TDP2: variants seen among roughly 807,000 people sequenced by gnomAD.
TDP2 encodes the protein 5'-Tyr-DNA phosphodiesterase.
TDP2 carries 38 observed loss-of-function variants against 42.8 expected under a neutral mutation model. The ratio of observed to expected loss-of-function variants is 0.89; its 90% CI spans 0.68 to 1.16. TDP2 has a LOEUF of 1.16. TDP2 is among the 50% of genes most tolerant of loss of function. TDP2 has a pLI of 0.00. For missense variants in TDP2, 439 were observed against 439.3 expected, an observed-to-expected ratio of 1.00 and a Z score of 0.01; for synonymous variants, 173 against 150.6, an observed-to-expected ratio of 1.15 and a Z score of -1.09.
chr6:24,651,066 T>C lies in TDP2; in HGVS notation c.811A>G (p.Thr271Ala). Residue 271 changes from threonine (T) to alanine (A), a missense_variant, in exon 7 of 7, where the codon ACC becomes GCC. Physicochemically the swap from Thr to Ala is moderately conservative, Grantham distance 58. Transcript: ENST00000378198. ...GDTNLRDREV[T>A]RCGGLPNNIV... Reference sequence around the variant, plus strand: ...TTGTTGGGTAAACCACCACATCTGGTAACCTGAAAAGAAGAAGAATACTCT... The same window carrying C: ...TTGTTGGGTAAACCACCACATCTGGCAACCTGAAAAGAAGAAGAATACTCT... 5.0e-6 allele frequency: 8 copies of C among 1,607,630 alleles called. No individual in the cohort carries two copies. Among genetic ancestry groups the C allele is most frequent in the South Asian group, 1.1e-5 (1 of 90,892 alleles).
chr6:24,666,257 T>C (rs1308920113), intron 2 of TDP2: 2 of 1,541,910 alleles, frequency 1.3e-6, no homozygotes, highest in Non-Finnish European at 1.7e-6. Context: ...CTTATTTCCT[T>C]TCATTTGAGT....
chr6:24,652,472 T>C lies in TDP2; in HGVS notation c.807+511A>G, dbSNP rs1777988999. Among the ~76,000 whole-genome samples, 6 of 152,212 alleles carry C rather than the reference T, an allele frequency of 3.9e-5. No individual in the cohort carries two copies. In the Middle Eastern group the frequency reaches 0.01, roughly 259 times the overall value. ...ATCCCACTGTGTCTCAACTGAGCTATAGGCAGGGAGAAAGAGACTTTGTTT... is the reference window on the plus strand; with the variant it reads ...ATCCCACTGTGTCTCAACTGAGCTACAGGCAGGGAGAAAGAGACTTTGTTT... On this transcript the variant is annotated intron_variant, in intron 6 of 6. Transcript: ENST00000378198.
chr6:24,657,736 T>C (rs3212231), intron 4 of TDP2, 76 bp downstream of exon 4: 2 of 796,330 alleles, frequency 2.5e-6, no homozygotes, highest in Non-Finnish European at 3.9e-6. Flanking sequence ...TATGTCCCAA[T>C]AGACCAACTT....
At chr6:24,666,202 A>T in intron 2 of TDP2, 6 of 1,550,540 alleles carry the variant, frequency 3.9e-6, no homozygotes, top group Non-Finnish European at 5.2e-6. Context: ...CCATTTTTCG[A>T]TAGAAGGTTT....
intron 6 of TDP2, among the ~76,000 whole-genome samples, chr6:24,652,581 A>C (rs1032517290): frequency 6.6e-6 from 1 of 152,188 alleles, no homozygotes; most frequent in African/African-American, 2.4e-5. Flanking sequence ...AAAGAAAAGG[A>C]AACCTCAGAA....
chr6:24,662,233 C>G (rs1365164747), intron 2 of TDP2, among the ~76,000 whole-genome samples: 1 of 151,828 alleles, frequency 6.6e-6, no homozygotes, highest in Non-Finnish European at 1.5e-5. Context: ...AGCCCGACAC[C>G]CAAAAAGGGT....
rs202243869 is a variant in TDP2 at position 24,666,879 on chromosome 6, C to A, written c.-17G>T. ...CAACTCCATCTTCCTGCCGCCTCTG[C>A]ACCGCCCCTTTAAGCGGAACAGGAG... On this transcript the variant is annotated 5_prime_UTR_variant, in exon 1 of 7. Transcript: ENST00000378198. 1.8e-4 allele frequency: 285 copies of A among 1,612,610 alleles called. 3 individuals carry two copies. In the East Asian group the frequency reaches 5.6e-3, roughly 32 times the overall value.
chr6:24,660,447 T>A (rs1432924326), intron 2 of TDP2, among the ~76,000 whole-genome samples: 1 of 152,238 alleles, frequency 6.6e-6, no homozygotes, highest in Non-Finnish European at 1.5e-5. Flanking sequence ...TAGGCAACTG[T>A]AACACAATGG....
At position 24,653,989 on chromosome 6, in the gene TDP2, C is replaced by T. The variant is rs562601875; in HGVS notation, c.636+423G>A. ...CATCTCTCCTTTCTCTAAACTTCCA[C>T]ACATCATTTATACCTCTCCTGTGGC... On this transcript the variant is annotated intron_variant, in intron 5 of 6. Coordinates refer to ENST00000378198, the MANE Select transcript of TDP2 (RefSeq NM_016614.3). Among the ~76,000 whole-genome samples, 21 of 152,330 alleles carry T rather than the reference C, an allele frequency of 1.4e-4. No homozygotes were observed. In the East Asian group the frequency reaches 3.3e-3, roughly 24 times the overall value.
rs763266803 is a variant in TDP2, at chr6:24,658,734, A to G, written c.252T>C (p.Tyr84=). 2.5e-6 allele frequency: 4 copies of G among 1,612,192 alleles called. No homozygotes were observed. The highest frequency in any genetic ancestry group is 4.5e-5 in the East Asian group (2 of 44,856). The change falls in exon 3 of 7, where the codon TAT becomes TAC. Residue 84 remains tyrosine (Y), a splice_region_variant and synonymous_variant. Coordinates refer to ENST00000378198, the MANE Select transcript of TDP2 (RefSeq NM_016614.3). ...TTGTTTCTTCATTGGTTAGGTCAAC[A>G]CTGGCAAGATCAGAATAAAACATGG... ...RPETISEPKT[Y]VDLTNEETTD...
intron 4 of TDP2, among the ~76,000 whole-genome samples, chr6:24,657,333 A>G (rs1401922812): frequency 5.3e-5 from 8 of 152,246 alleles, no homozygotes; most frequent in South Asian, 2.1e-4. Context: ...TACCAAGGAA[A>G]GACTGTATAT....
intron 2 of TDP2, among the ~76,000 whole-genome samples, chr6:24,665,557 T>C (rs1294701430): frequency 6.6e-6 from 1 of 152,240 alleles, no homozygotes; most frequent in Non-Finnish European, 1.5e-5. Flanking sequence ...GTTGTACATA[T>C]AGCTGGGAGA....
chr6:24,651,912 T>G (rs1193814023), intron 6 of TDP2, among the ~76,000 whole-genome samples: 4 of 152,220 alleles, frequency 2.6e-5, no homozygotes, highest in Non-Finnish European at 5.9e-5. Context: ...AAGTGTACAG[T>G]GATGTAGCAT....
At chr6:24,664,189 G>A (rs1283276518) in intron 2 of TDP2, among the ~76,000 whole-genome samples, 2 of 152,126 alleles carry the variant, frequency 1.3e-5, no homozygotes, top group African/African-American at 4.8e-5. Context: ...AGGTCTGGGT[G>A]AGACCTAAGA....
intron 2 of TDP2, among the ~76,000 whole-genome samples, chr6:24,660,895 T>C (rs1270037957): frequency 6.6e-6 from 1 of 152,158 alleles, no homozygotes; most frequent in African/African-American, 2.4e-5. Context: ...TTGATTCAGA[T>C]TATGCATTTT....
chr6:24,654,284 T>C, intron 5 of TDP2, 128 bp downstream of exon 5: 1 of 496,012 alleles, frequency 2.0e-6, no homozygotes, highest in Admixed American at 3.9e-5. Flanking sequence ...TGTTAAAGAC[T>C]ATCTAAAAGA....
intron 2 of TDP2, among the ~76,000 whole-genome samples, chr6:24,664,234 G>A (rs1161762881): frequency 7.9e-5 from 12 of 151,664 alleles, no homozygotes; most frequent in Non-Finnish European, 1.5e-4. Context: ...AGTAGCAGTG[G>A]CACGCTGCTG....
intron 2 of TDP2, among the ~76,000 whole-genome samples, chr6:24,665,036 TG>T (rs1778207809): frequency 6.6e-6 from 1 of 152,208 alleles, no homozygotes; most frequent in African/African-American, 2.4e-5. Context: ...CAGGTTGGTT[TG>T]ACCAAAACAG....
intron 2 of TDP2, among the ~76,000 whole-genome samples, chr6:24,665,414 T>A (rs778383477): frequency 1.3e-5 from 2 of 152,084 alleles, no homozygotes; most frequent in Non-Finnish European, 2.9e-5. Flanking sequence ...TGTGGGTGAG[T>A]AAACAATTCC....
Sources: gnomAD v4.1 joint callset for allele counts (sites outside exome capture counted in the v4.1 genomes callset) on GRCh38, gnomAD v4.1.1 for gene constraint, MANE v1.5 for transcripts, NCBI Gene and HGNC (gene_info 2026-07-23, HGNC 2026-07-21) for gene names.